CASP6: variants seen among roughly 807,000 people sequenced by gnomAD.
The protein encoded by CASP6 is caspase-6.
CASP6 carries 20 observed loss-of-function variants against 31.8 expected under a neutral mutation model. The ratio of observed to expected loss-of-function variants is 0.63; its 90% CI spans 0.44 to 0.91. The LOEUF is 0.91. Ranked by LOEUF, CASP6 falls within the 40% of genes least tolerant of loss-of-function variation. CASP6 has a pLI of 0.00. For synonymous variants in CASP6, 130 were observed against 127.8 expected (o/e 1.02, Z -0.12); for missense variants, 328 against 361.1 (o/e 0.91, Z 0.74).
chr4:109,706,162 TATATATATAC>T (rs1561266893), upstream of CASP6, among the ~76,000 whole-genome samples: 271 of 87,712 alleles, frequency 3.1e-3, 3 homozygotes, highest in African/African-American at 0.016. Context: ...TATATATATA[TATATATATAC>T]ACACACACAT....
At position 109,696,910 on chromosome 4, in the gene CASP6, C is replaced by T. The variant is rs5030558; in HGVS notation, c.231-424G>A. Reference sequence around the variant, plus strand: ...ATGCCATTCTCCTGCCTCAGCCTCCCGAGTAGCTGGGACTACAGGCTCCCA... The same window carrying T: ...ATGCCATTCTCCTGCCTCAGCCTCCTGAGTAGCTGGGACTACAGGCTCCCA... On this transcript the variant is annotated intron_variant, in intron 3 of 6. Transcript: ENST00000265164. 2.8e-3 allele frequency among the ~76,000 whole-genome samples: 422 copies of T among 151,840 alleles called. 5 individuals are homozygous for T. Among genetic ancestry groups the T allele is most frequent in the African/African-American group, 9.9e-3 (410 of 41,396 alleles).
At chr4:109,664,422 CTTTTTTT>C in the CASP6 span, 1 of 616,264 alleles carries the variant, frequency 1.6e-6, no homozygotes, top group Non-Finnish European at 2.7e-6. Flanking sequence ...CCAACTATTA[CTTTTTTT>C]TTTTTTTTTT....
the CASP6 span, among the ~76,000 whole-genome samples, chr4:109,668,360 A>G: frequency 3.9e-5 from 6 of 152,146 alleles, no homozygotes; most frequent in African/African-American, 1.4e-4. Context: ...GTCTTCTTGG[A>G]GAATTGGCCT....
chr4:109,678,025 G>T, the CASP6 span, among the ~76,000 whole-genome samples: 2 of 151,834 alleles, frequency 1.3e-5, no homozygotes, highest in Non-Finnish European at 2.9e-5. Context: ...GACTCTTAAC[G>T]AGTATGCTGC....
downstream of CASP6, chr4:109,684,618 T>G: frequency 6.4e-7 from 1 of 1,559,092 alleles, no homozygotes; most frequent in Non-Finnish European, 8.8e-7. Flanking sequence ...TCTATGGTCT[T>G]TTTTGCATAC....
In CASP6 at chr4:109,690,997, T is replaced by G. The variant is rs764771775; in HGVS notation, c.496A>C (p.Asn166His). 1.2e-6 allele frequency: 2 copies of G among 1,611,288 alleles called. No homozygotes were observed. The highest frequency in any genetic ancestry group is 8.5e-7 in the Non-Finnish European group (1 of 1,178,772). ...GGAATGACTGGCACATCGTGCTGGTTTCCCCGACATGCCTACAAGACAAGG... is the reference window on the plus strand; with the variant it reads ...GGAATGACTGGCACATCGTGCTGGTGTCCCCGACATGCCTACAAGACAAGG... Reference protein sequence around the residue: ...KIFIIQACRGNQHDVPVIPLD... With the variant: ...KIFIIQACRGHQHDVPVIPLD... The change falls in exon 6 of 7, where the codon AAC becomes CAC. Residue 166 changes from asparagine to histidine, a missense_variant. Transcript: ENST00000265164.
chr4:109,668,322 TAGG>T, the CASP6 span, among the ~76,000 whole-genome samples: 1,627 of 152,232 alleles, frequency 0.011, 33 homozygotes, highest in African/African-American at 0.037. Flanking sequence ...GATGCTGTGT[TAGG>T]AGCATACACA....
intron 3 of CASP6, among the ~76,000 whole-genome samples, chr4:109,696,744 A>T (rs1730252827): frequency 6.6e-6 from 1 of 151,264 alleles, no homozygotes; most frequent in Admixed American, 6.6e-5. Context: ...GCCTGTCAAC[A>T]TTTAATAGAA....
the CASP6 span, among the ~76,000 whole-genome samples, chr4:109,676,809 T>TCAA: frequency 3.9e-5 from 6 of 152,200 alleles, no homozygotes; most frequent in South Asian, 1.2e-3. Flanking sequence ...CTAAGCAAAA[T>TCAA]ATTGAAGAAT....
Position 109,690,788 on chromosome 4 carries a change from G to A in CASP6, c.643+62C>T, listed in dbSNP as rs901462870. 11 of 1,512,336 alleles carry A rather than the reference G, an allele frequency of 7.3e-6. No individual in the cohort carries two copies. In the African/African-American group the frequency reaches 1.5e-4, roughly 21 times the overall value. The allele number at this position is 1,512,336 out of a possible 1,614,324, so 93.7% of individuals were successfully genotyped here. A position where few individuals can be genotyped will look rare whatever the true frequency, so the allele number is the denominator to read the frequency against. On this transcript the variant is annotated intron_variant, in intron 6 of 6. Transcript: ENST00000265164. ...AAGATCTGACCCAAACCAATCAAAG[G>A]TGAAACTTACAGGACCTTAGCCAAG...
At chr4:109,705,208 T>C (rs182279088), upstream of CASP6, among the ~76,000 whole-genome samples, 1 of 152,302 alleles carries the variant, frequency 6.6e-6, no homozygotes, top group African/African-American at 2.4e-5. Flanking sequence ...CCTTAAGAAT[T>C]ATGCTAAATA....
chr4:109,673,821 G>A, the CASP6 span: 1 of 719,126 alleles, frequency 1.4e-6, no homozygotes, highest in Non-Finnish European at 2.5e-6. Flanking sequence ...TTCGCTCTAG[G>A]GAGATTCTTC....
At chr4:109,679,868 C>A in the CASP6 span, among the ~76,000 whole-genome samples, 1 of 152,124 alleles carries the variant, frequency 6.6e-6, no homozygotes, top group Non-Finnish European at 1.5e-5. Context: ...GTGGTGCAAT[C>A]TCGGCTCACT....
intron 6 of CASP6, 31 bp downstream of exon 6, chr4:109,690,819 C>G (rs1201306268): frequency 1.3e-6 from 2 of 1,565,840 alleles, no homozygotes; most frequent in Non-Finnish European, 1.7e-6. Context: ...CCAAGAGAGG[C>G]AATTATATGT....
At chr4:109,690,522 C>CAA (rs35382792) in intron 6 of CASP6, among the ~76,000 whole-genome samples, 26 of 130,980 alleles carry the variant, frequency 2.0e-4, no homozygotes, top group East Asian at 1.8e-3. Flanking sequence ...GACCTTGTCT[C>CAA]AAAAAAAAAA....
chr4:109,703,701 C>T (rs964203967), upstream of CASP6: 1 of 479,492 alleles, frequency 2.1e-6, no homozygotes, highest in African/African-American at 2.0e-5. Context: ...CCAGTTGCCA[C>T]CCGGGGGGAC....
chr4:109,689,669 G>C, intron 6 of CASP6, 101 bp from the exon 7 acceptor site: 3 of 1,094,928 alleles, frequency 2.7e-6, no homozygotes, highest in Non-Finnish European at 4.0e-6. Context: ...AAAATCCTTA[G>C]AAGAGTCTTA....
intron 1 of CASP6, among the ~76,000 whole-genome samples, 189 bp downstream of exon 1, chr4:109,703,167 G>A (rs1401810740): frequency 6.6e-6 from 1 of 152,164 alleles, no homozygotes; most frequent in South Asian, 2.1e-4. Context: ...TTAGACTGAA[G>A]CGCGAAACCG....
chr4:109,705,996 AAAAAAAT>A (rs1178333392), upstream of CASP6, among the ~76,000 whole-genome samples: 5 of 64,558 alleles, frequency 7.7e-5, no homozygotes, highest in South Asian at 6.8e-4. Context: ...AAAAAAAAAA[AAAAAAAT>A]ATATATATAT....
Sources: allele counts gnomAD v4.1 joint callset (sites outside exome capture counted in the v4.1 genomes callset), GRCh38; gene constraint gnomAD v4.1.1; transcripts MANE v1.5; gene names NCBI Gene and HGNC (gene_info 2026-07-23, HGNC 2026-07-21).